ANO4: variants seen among roughly 807,000 people sequenced by gnomAD.
ANO4 encodes anoctamin-4.
Under a neutral mutation model 141.9 loss-of-function variants are expected in ANO4, and 69 were observed. The ratio of observed to expected loss-of-function variants is 0.49; its 90% confidence interval spans 0.40 to 0.59. The LOEUF is 0.59. ANO4 is among the 20% of genes least tolerant of loss of function. The probability of loss-of-function intolerance (pLI) is 0.00; values close to 1 mark genes in which losing one functional copy is unlikely to be tolerated. For synonymous variants in ANO4, 350 were observed against 394.3 expected, an observed-to-expected ratio of 0.89 and a Z score of 1.33; for missense variants, 894 against 1,162.2, an observed-to-expected ratio of 0.77 and a Z score of 3.36.
intron 3 of ANO4, among the ~76,000 whole-genome samples, chr12:100,922,871 T>C (rs2041690894): frequency 6.6e-6 from 1 of 152,146 alleles, no homozygotes; most frequent in Non-Finnish European, 1.5e-5. Context: ...ATTTCTGTTT[T>C]ATAGCTTTCA....
intron 5 of ANO4, among the ~76,000 whole-genome samples, chr12:100,958,530 T>C (rs2043271109): frequency 6.6e-6 from 1 of 152,104 alleles, no homozygotes; most frequent in Non-Finnish European, 1.5e-5. Context: ...AATAAATAAG[T>C]AAATAATACA....
At chr12:100,999,749 T>C (rs2045552679) in intron 8 of ANO4, among the ~76,000 whole-genome samples, 1 of 151,858 alleles carries the variant, frequency 6.6e-6, no homozygotes, top group Non-Finnish European at 1.5e-5. Flanking sequence ...AAATGACATA[T>C]GTAAAAGACT....
intron 2 of ANO4, among the ~76,000 whole-genome samples, chr12:100,919,404 G>A (rs956901327): frequency 6.6e-5 from 10 of 151,914 alleles, no homozygotes; most frequent in Admixed American, 3.3e-4. Flanking sequence ...TTTTATACTC[G>A]ATTTTTACTG....
intron 3 of ANO4, among the ~76,000 whole-genome samples, chr12:100,772,762 A>G (rs536704824): frequency 1.3e-5 from 2 of 151,988 alleles, no homozygotes; most frequent in South Asian, 4.2e-4. Flanking sequence ...AAACCTCCCA[A>G]CCCCCTTGAA....
chr12:101,058,490 A>G (rs151130107), intron 14 of ANO4, among the ~76,000 whole-genome samples: 2 of 152,330 alleles, frequency 1.3e-5, no homozygotes, highest in East Asian at 1.9e-4. Context: ...CTTCCTATCC[A>G]TAAGCATGGA....
At chr12:101,050,438 C>A (rs1270849544) in intron 14 of ANO4, among the ~76,000 whole-genome samples, 2 of 152,176 alleles carry the variant, frequency 1.3e-5, no homozygotes, top group Admixed American at 1.3e-4. Context: ...CTAACCCTAA[C>A]AGAATTTTGA....
rs1245505933 is a variant in ANO4 at position 101,020,108 on chromosome 12, G to T, written c.809G>T (p.Arg270Ile). Residue 270 changes from arginine to isoleucine, a missense_variant, in exon 9 of 28, where the codon AGA (arginine) becomes ATA (isoleucine). Physicochemically the swap from Arg to Ile is moderately conservative, Grantham distance 97. Transcript: ENST00000392977. ...RSRIVHHILQ[R>I]IKYEEGKNKI... ...AGAATCGTGCATCACATTTTACAAA[G>T]AATAAAATATGAAGAAGGAAAAAAC... 1.2e-6 allele frequency: 2 copies of T among 1,612,280 alleles called. No individual in the cohort carries two copies. The highest frequency in any genetic ancestry group is 1.7e-6 in the Non-Finnish European group (2 of 1,178,716).
intron 3 of ANO4, among the ~76,000 whole-genome samples, chr12:100,932,921 T>G (rs539031940): frequency 2.0e-5 from 3 of 152,270 alleles, no homozygotes; most frequent in East Asian, 3.9e-4. Context: ...TAGGCTGAGC[T>G]TCTAATCTTT....
rs1593250336 is a variant in ANO4 at position 100,740,165 on chromosome 12, A to G, written c.358+60A>G. ...GGGTGTGTATAAGATTCCTTCATGCATTTGCCTGCTGAATAAATTGCATTT... is the reference window on the plus strand; with the variant it reads ...GGGTGTGTATAAGATTCCTTCATGCGTTTGCCTGCTGAATAAATTGCATTT... On this transcript the variant is annotated intron_variant, in intron 3 of 29. Coordinates refer to the ANO4 transcript ENST00000644049. The G allele has an allele frequency of 7.3e-6, 5 of 686,926 alleles. No homozygotes were observed. In the East Asian group the frequency reaches 1.4e-4, roughly 19 times the overall value. 42.6% of individuals were successfully genotyped at this position (686,926 alleles called of 1,614,324 possible).
In ANO4 at chr12:101,086,862, T is replaced by C. The variant is rs150236611; in HGVS notation, c.1701+38T>C. On this transcript the variant is annotated intron_variant, in intron 17 of 27. Coordinates refer to ENST00000392977, the MANE Select transcript of ANO4 (RefSeq NM_001286615.2). ...CAGTGGCTAGCCAAACGGATCAAAA[T>C]GTGTGGGCTGCAAGTGACAGTTTTC... 484 of 1,600,824 alleles carry C rather than the reference T, an allele frequency of 3.0e-4. 2 individuals carry two copies. The East Asian group carries it at 9.5e-3, about 32-fold the overall frequency.
intron 1 of ANO4, among the ~76,000 whole-genome samples, chr12:100,807,506 A>T (rs191207948): frequency 7.9e-4 from 120 of 152,250 alleles, no homozygotes; most frequent in African/African-American, 2.7e-3. Flanking sequence ...GTCTCATTCT[A>T]AAAAACAATC....
chr12:101,009,696 G>A (rs573808124), intron 8 of ANO4, among the ~76,000 whole-genome samples: 2 of 151,898 alleles, frequency 1.3e-5, no homozygotes, highest in Non-Finnish European at 2.9e-5. Flanking sequence ...ATCTTGATGT[G>A]GTTCTATGTT....
At chr12:100,791,016 CT>C (rs1367321953), upstream of ANO4, among the ~76,000 whole-genome samples, 1 of 152,184 alleles carries the variant, frequency 6.6e-6, no homozygotes. Flanking sequence ...CAGTCCCATA[CT>C]TTTCTAGAAT....
chr12:100,999,110 A>G (rs1249303479), intron 8 of ANO4, among the ~76,000 whole-genome samples: 1 of 152,240 alleles, frequency 6.6e-6, no homozygotes, highest in Non-Finnish European at 1.5e-5. Context: ...TATGGCTGCT[A>G]TAACAAATTA....
intron 1 of ANO4, among the ~76,000 whole-genome samples, chr12:100,871,818 G>T (rs990232534): frequency 1.8e-4 from 28 of 152,112 alleles, no homozygotes; most frequent in Non-Finnish European, 2.5e-4. Flanking sequence ...CTTGGTTTGG[G>T]GTGGGGGCTC....
At chr12:100,866,524 T>C (rs2135910168) in intron 1 of ANO4, among the ~76,000 whole-genome samples, 1 of 152,316 alleles carries the variant, frequency 6.6e-6, no homozygotes, top group South Asian at 2.1e-4. Context: ...CTCAATGTTG[T>C]ATCAGCAACC....
intron 8 of ANO4, among the ~76,000 whole-genome samples, chr12:101,012,780 G>A (rs900307601): frequency 6.6e-6 from 1 of 152,130 alleles, no homozygotes; most frequent in Non-Finnish European, 1.5e-5. Flanking sequence ...GGAAGCTATT[G>A]TAGTAGTCCT....
intron 2 of ANO4, among the ~76,000 whole-genome samples, chr12:100,911,007 G>A (rs1032003815): frequency 2.6e-5 from 4 of 151,898 alleles, no homozygotes; most frequent in African/African-American, 9.7e-5. Context: ...GAAACATTAG[G>A]ATTTTCTTGT....
chr12:101,000,910 A>G lies in ANO4; in HGVS notation c.734+13240A>G, dbSNP rs577335247. Among the ~76,000 whole-genome samples the G allele has an allele frequency of 1.9e-3, 285 of 152,324 alleles. 1 individual carries two copies. The highest frequency in any genetic ancestry group is 3.4e-3 in the Middle Eastern group (1 of 294). The stretch of plus-strand genomic sequence containing the variant: ...TGGAAATATTTTATTACATTTATCT[A>G]TCTGTAAATACATAGTTTGTTTTTC... On this transcript the variant is annotated intron_variant, in intron 8 of 27. Coordinates refer to ENST00000392977, the MANE Select transcript of ANO4 (RefSeq NM_001286615.2).
Sources: gnomAD v4.1 joint callset for allele counts (sites outside exome capture counted in the v4.1 genomes callset) on GRCh38, gnomAD v4.1.1 for gene constraint, MANE v1.5 for transcripts, NCBI Gene and HGNC (gene_info 2026-07-23, HGNC 2026-07-21) for gene names.